Variants in ST3GAL3 observed in about 807,000 individuals in gnomAD.
ST3GAL3 encodes CMP-N-acetylneuraminate-beta-1,4-galactoside alpha-2,3-sialyltransferase.
ST3GAL3 carries 21 observed loss-of-function variants against 50.1 expected under a neutral mutation model. The observed-to-expected ratio is 0.42, with a 90% CI of 0.30 to 0.60. ST3GAL3 has a LOEUF of 0.60. Among genes scored for constraint, ST3GAL3 ranks in the 20% least tolerant of loss-of-function variants. ST3GAL3 has a pLI of 0.19. For missense variants in ST3GAL3, 353 were observed against 489.4 expected (o/e 0.72, Z 2.63); for synonymous variants, 183 against 190.0 (o/e 0.96, Z 0.30).
At position 43,843,731 on chromosome 1, in the gene ST3GAL3, T is replaced by C. The variant is rs6692033; in HGVS notation, c.302+5420T>C. Among the ~76,000 whole-genome samples the C allele has an allele frequency of 9.2e-3, 1,396 of 152,314 alleles. 21 individuals carry two copies. The highest frequency in any genetic ancestry group is 0.032 in the African/African-American group (1,345 of 41,564). The stretch of plus-strand genomic sequence containing the variant: ...TGAAGAAAAGACAGTTTTTTATCTC[T>C]ATTCTCATGCGCCACTGAACACACT... On this transcript the variant is annotated intron_variant, in intron 5 of 11. Transcript: ENST00000347631.
intron 2 of ST3GAL3, chr1:43,772,721 A>G (rs1474929329): frequency 6.6e-6 from 1 of 150,964 alleles, no homozygotes; most frequent in Non-Finnish European, 1.5e-5. Context: ...ATGATGAAAT[A>G]CTTTTTCTTG....
chr1:43,733,169 A>AT (rs1676679147), intron 1 of ST3GAL3, among the ~76,000 whole-genome samples: 1 of 151,906 alleles, frequency 6.6e-6, no homozygotes, highest in African/African-American at 2.4e-5. Flanking sequence ...TAATCTTAAA[A>AT]TTTTTTGTAG....
At chr1:43,852,812 A>T (rs2067588122) in intron 5 of ST3GAL3, among the ~76,000 whole-genome samples, 1 of 152,230 alleles carries the variant, frequency 6.6e-6, no homozygotes, top group Non-Finnish European at 1.5e-5. Context: ...TATTTCACTC[A>T]TTAGTCAAGA....
chr1:43,753,068 C>T (rs762419041), intron 2 of ST3GAL3, among the ~76,000 whole-genome samples: 27 of 152,172 alleles, frequency 1.8e-4, no homozygotes, highest in Non-Finnish European at 2.9e-4. Flanking sequence ...AAACAATTTA[C>T]AGAAACTGAA....
intron 3 of ST3GAL3, among the ~76,000 whole-genome samples, chr1:43,797,021 C>T (rs937471117): frequency 1.3e-5 from 2 of 152,044 alleles, no homozygotes; most frequent in Non-Finnish European, 2.9e-5. Context: ...CTCTTCTCTA[C>T]AAAATTAAAG....
chr1:43,894,517 C>A, intron 6 of ST3GAL3, 40 bp downstream of exon 6: 1 of 1,567,600 alleles, frequency 6.4e-7, no homozygotes, highest in Non-Finnish European at 8.8e-7. Flanking sequence ...ATCTCATCCC[C>A]CCGACTGTCT....
rs543524965 is a variant in ST3GAL3, at chr1:43,921,772, C to G, written c.1038+844C>G. On this transcript the variant is annotated intron_variant, in intron 11 of 11. Transcript: ENST00000347631. ...GCTCCTCCCTCTTCCAGTGAAGAAACTGAAGCCACAGAGGGGACTCTGATC... is the reference window on the plus strand; with the variant it reads ...GCTCCTCCCTCTTCCAGTGAAGAAAGTGAAGCCACAGAGGGGACTCTGATC... 12 of 398,904 alleles carry G rather than the reference C, an allele frequency of 3.0e-5. No individual in the cohort carries two copies. The East Asian group carries it at 4.3e-4, about 14-fold the overall frequency. 24.7% of individuals were successfully genotyped at this position (398,904 alleles called of 1,614,324 possible).
chr1:43,877,516 T>TCAA (rs1267127019), intron 5 of ST3GAL3, among the ~76,000 whole-genome samples: 5 of 152,090 alleles, frequency 3.3e-5, no homozygotes, highest in African/African-American at 1.2e-4. Context: ...GGAATAGGTT[T>TCAA]AGGGGAAGAT....
chr1:43,894,049 G>A (rs1023019508), intron 5 of ST3GAL3: 2 of 381,738 alleles, frequency 5.2e-6, no homozygotes, highest in Non-Finnish European at 5.1e-6. Context: ...GAACAGTGTG[G>A]GCAGCAGTGA....
chr1:43,838,383 T>G, intron 5 of ST3GAL3, 72 bp downstream of exon 5: 2 of 1,332,942 alleles, frequency 1.5e-6, no homozygotes, highest in South Asian at 2.3e-5. Flanking sequence ...ACTCTGCCTC[T>G]CACAGCCAGT....
chr1:43,782,295 G>A (rs1315334730), intron 2 of ST3GAL3, among the ~76,000 whole-genome samples: 1 of 151,930 alleles, frequency 6.6e-6, no homozygotes, highest in Non-Finnish European at 1.5e-5. Flanking sequence ...AATTTCATCC[G>A]GCCCCCAACA....
rs2077992707 is a variant in ST3GAL3, at chr1:43,899,829, T to A, written c.744+102T>A. ...TGCAGCAAAGAACGAGTAAGAACCT[T>A]CAAAGGAAACATTAATGACCCAAAG... On this transcript the variant is annotated intron_variant, in intron 9 of 11. Coordinates refer to ENST00000347631, the MANE Select transcript of ST3GAL3 (RefSeq NM_006279.5). This position sits in a 1 kb window ranked among gnomAD's most constrained non-coding sequence, Gnocchi z 5.4. 1 of 1,207,698 alleles carries A rather than the reference T, an allele frequency of 8.3e-7. No individual in the cohort carries two copies. The highest frequency in any genetic ancestry group is 1.2e-6 in the Non-Finnish European group (1 of 831,390). The allele number at this position is 1,207,698 out of a possible 1,614,324, so 74.8% of individuals were successfully genotyped here.
At chr1:43,812,489 C>G (rs2060675345) in intron 3 of ST3GAL3, among the ~76,000 whole-genome samples, 1 of 152,202 alleles carries the variant, frequency 6.6e-6, no homozygotes, top group African/African-American at 2.4e-5. Context: ...TACAGTGACT[C>G]TTCACCGTGT....
intron 9 of ST3GAL3, among the ~76,000 whole-genome samples, chr1:43,903,600 G>T (rs1484539019): frequency 6.6e-6 from 1 of 152,186 alleles, no homozygotes; most frequent in East Asian, 1.9e-4. Flanking sequence ...ACAGGGCTGG[G>T]AGTGGGTCCC....
chr1:43,776,878 A>C (rs1244359251), intron 2 of ST3GAL3, among the ~76,000 whole-genome samples: 2 of 152,226 alleles, frequency 1.3e-5, no homozygotes, highest in African/African-American at 4.8e-5. Flanking sequence ...GAAAGTATAA[A>C]GACTTTGTTG....
chr1:43,733,446 G>A (rs1676815805), intron 1 of ST3GAL3, among the ~76,000 whole-genome samples: 1 of 152,148 alleles, frequency 6.6e-6, no homozygotes, highest in Non-Finnish European at 1.5e-5. Flanking sequence ...TACATGCTTA[G>A]CGTAGAGTAA....
chr1:43,819,947 A>C (rs944236226), intron 4 of ST3GAL3, among the ~76,000 whole-genome samples: 12 of 152,236 alleles, frequency 7.9e-5, no homozygotes, highest in Non-Finnish European at 1.6e-4. Context: ...TTTTCATAGA[A>C]GTAGAGAAAA....
At chr1:43,828,419 A>G (rs1175124058) in intron 4 of ST3GAL3, among the ~76,000 whole-genome samples, 2 of 152,174 alleles carry the variant, frequency 1.3e-5, no homozygotes, top group African/African-American at 4.8e-5. Flanking sequence ...AAACTCCAAA[A>G]CTTGTACTCT....
At chr1:43,828,554 AAAC>A (rs2063118194) in intron 4 of ST3GAL3, among the ~76,000 whole-genome samples, 1 of 152,242 alleles carries the variant, frequency 6.6e-6, no homozygotes, top group Non-Finnish European at 1.5e-5. Flanking sequence ...AACATTAAGA[AAAC>A]AACCAACCCA....
Sources: allele counts gnomAD v4.1 joint callset (sites outside exome capture counted in the v4.1 genomes callset), GRCh38; gene constraint gnomAD v4.1.1; non-coding constraint Gnocchi (gnomAD v3.1); transcripts MANE v1.5; gene names NCBI Gene and HGNC (gene_info 2026-07-23, HGNC 2026-07-21).